The following GNA12 variants were observed in gnomAD, a reference collection of about 807,000 sequenced individuals.
GNA12 encodes the protein guanine nucleotide-binding protein subunit alpha-12.
GNA12 carries 9 observed loss-of-function variants against 26.0 expected under a neutral mutation model. The observed-to-expected ratio is 0.35, with a 90% CI of 0.21 to 0.60. The LOEUF is 0.60. Ranked by LOEUF, GNA12 falls within the 20% of genes least tolerant of loss-of-function variation. The pLI is 0.78. For synonymous variants in GNA12, 264 were observed against 219.6 expected, an observed-to-expected ratio of 1.20 and a Z score of -1.79; for missense variants, 405 against 525.8, an observed-to-expected ratio of 0.77 and a Z score of 2.25.
At chr7:2,793,387 A>G (rs1473835664) in intron 2 of GNA12, among the ~76,000 whole-genome samples, 1 of 150,254 alleles carries the variant, frequency 6.7e-6, no homozygotes, top group Admixed American at 6.6e-5. Flanking sequence ...CATTCAGACA[A>G]GGTCTACAGT....
chr7:2,812,406 G>A (rs1383479276), intron 1 of GNA12, among the ~76,000 whole-genome samples: 1 of 152,158 alleles, frequency 6.6e-6, no homozygotes, highest in Non-Finnish European at 1.5e-5. Context: ...GAGGCGGGCG[G>A]ACCACTTGAG....
intron 1 of GNA12, among the ~76,000 whole-genome samples, chr7:2,801,987 A>G (rs902055356): frequency 6.6e-6 from 1 of 152,170 alleles, no homozygotes; most frequent in African/African-American, 2.4e-5. Flanking sequence ...TCTTAAAAGT[A>G]AAATACTAGT....
At chr7:2,740,798 A>C (rs977215050) in intron 2 of GNA12, among the ~76,000 whole-genome samples, 4 of 152,332 alleles carry the variant, frequency 2.6e-5, no homozygotes, top group African/African-American at 9.6e-5. Context: ...TAATCCCAGC[A>C]CTTTGGGAGG....
intron 1 of GNA12, among the ~76,000 whole-genome samples, chr7:2,828,684 TCA>T (rs1793536866): frequency 6.6e-6 from 1 of 152,168 alleles, no homozygotes; most frequent in Non-Finnish European, 1.5e-5. Context: ...TCTAGTGACT[TCA>T]GTTTAGCAGG....
In GNA12 at chr7:2,844,242, G is replaced by A; in HGVS notation, c.-81C>T. On this transcript the variant is annotated 5_prime_UTR_variant, in exon 1 of 4. Coordinates refer to ENST00000275364, the MANE Select transcript of GNA12 (RefSeq NM_007353.3). ...GCCGGCGAGGGCGAGCCCGGGCCGA[G>A]GCACCGCCCCACGCCCCGCCGCTCG... 1.5e-6 allele frequency: 1 copy of A among 685,226 alleles called. No homozygotes were observed. Among genetic ancestry groups the A allele is most frequent in the South Asian group, 6.1e-5 (1 of 16,274 alleles). The allele number at this position is 685,226 out of a possible 1,614,324, so 42.4% of individuals were successfully genotyped here.
At chr7:2,739,895 A>T (rs1583216557) in intron 2 of GNA12, among the ~76,000 whole-genome samples, 1 of 152,080 alleles carries the variant, frequency 6.6e-6, no homozygotes, top group East Asian at 1.9e-4. Context: ...CTGGTCTCGA[A>T]CTCCTGACCT....
At chr7:2,836,254 C>T (rs1439245094) in intron 1 of GNA12, among the ~76,000 whole-genome samples, 1 of 152,194 alleles carries the variant, frequency 6.6e-6, no homozygotes, top group African/African-American at 2.4e-5. Flanking sequence ...GGAAAAGCCC[C>T]AGACACTGAG....
At chr7:2,779,009 G>A (rs1222764935) in intron 2 of GNA12, among the ~76,000 whole-genome samples, 1 of 152,134 alleles carries the variant, frequency 6.6e-6, no homozygotes, top group Non-Finnish European at 1.5e-5. Context: ...AACTTTATGG[G>A]AGGCCGAGGC....
chr7:2,788,600 GC>G (rs1792426497), intron 2 of GNA12, among the ~76,000 whole-genome samples: 1 of 152,192 alleles, frequency 6.6e-6, no homozygotes, highest in Non-Finnish European at 1.5e-5. Flanking sequence ...ACCTAAAGAT[GC>G]TACCGGCCTG....
intron 1 of GNA12, among the ~76,000 whole-genome samples, chr7:2,841,108 T>C (rs898436181): frequency 5.3e-5 from 8 of 152,184 alleles, no homozygotes; most frequent in African/African-American, 1.9e-4. Flanking sequence ...AGAAAGTCAG[T>C]GGAAGTTAGT....
intron 2 of GNA12, among the ~76,000 whole-genome samples, chr7:2,787,606 G>C (rs1271033655): frequency 6.6e-6 from 1 of 152,244 alleles, no homozygotes; most frequent in Non-Finnish European, 1.5e-5. Context: ...CTACGTTGGT[G>C]AGAGCTAAAG....
rs188376739 is a variant in GNA12, at chr7:2,835,081, A to G, written c.309+8772T>C. Among the ~76,000 whole-genome samples the G allele has an allele frequency of 2.0e-3, 304 of 152,368 alleles. 2 individuals are homozygous for G. Among genetic ancestry groups the G allele is most frequent in the Non-Finnish European group, 3.0e-3 (205 of 68,032 alleles). Reference sequence around the variant, plus strand: ...TGGATGGTTAGGACTTCTAGTCTATATAACAAGGAACCTTCAGACAGCTAA... The same window carrying G: ...TGGATGGTTAGGACTTCTAGTCTATGTAACAAGGAACCTTCAGACAGCTAA... On this transcript the variant is annotated intron_variant, in intron 1 of 3. Coordinates refer to ENST00000275364, the MANE Select transcript of GNA12 (RefSeq NM_007353.3).
chr7:2,824,500 C>A (rs547649870), intron 1 of GNA12, among the ~76,000 whole-genome samples: 41 of 152,306 alleles, frequency 2.7e-4, no homozygotes, highest in African/African-American at 9.1e-4. Flanking sequence ...CTTTCTCCTG[C>A]CCCCAGCACT....
chr7:2,753,124 GTACT>G (rs925662655), intron 2 of GNA12, among the ~76,000 whole-genome samples: 1 of 151,400 alleles, frequency 6.6e-6, no homozygotes, highest in Non-Finnish European at 1.5e-5. Context: ...TTTCTAGAGT[GTACT>G]TAAAGTGAAA....
At chr7:2,763,032 A>G in intron 2 of GNA12, 1 of 1,258,554 alleles carries the variant, frequency 7.9e-7, no homozygotes, top group Non-Finnish European at 1.0e-6. Context: ...CTGGCCCAGG[A>G]CTCAGCGTGC....
At chr7:2,734,427 A>T (rs1296859659) in intron 2 of GNA12, among the ~76,000 whole-genome samples, 2 of 152,246 alleles carry the variant, frequency 1.3e-5, no homozygotes, top group Non-Finnish European at 2.9e-5. Context: ...GGCTTGTGGG[A>T]AGAGCAGTCA....
intron 2 of GNA12, among the ~76,000 whole-genome samples, chr7:2,760,014 C>T (rs977733810): frequency 6.6e-6 from 1 of 152,220 alleles, no homozygotes; most frequent in Admixed American, 6.5e-5. Context: ...CAGGAACACT[C>T]AGTTTTAAAA....
At chr7:2,736,079 C>G (rs1323160332) in intron 2 of GNA12, among the ~76,000 whole-genome samples, 1 of 152,224 alleles carries the variant, frequency 6.6e-6, no homozygotes, top group African/African-American at 2.4e-5. Flanking sequence ...AGTCTTACAG[C>G]AGCAGCTCAT....
At chr7:2,820,313 G>A (rs955217366) in intron 1 of GNA12, among the ~76,000 whole-genome samples, 5 of 151,816 alleles carry the variant, frequency 3.3e-5, no homozygotes, top group Admixed American at 6.6e-5. Flanking sequence ...GGTGATGGCT[G>A]CACAGCTCTG....
Sources: allele counts gnomAD v4.1 joint callset (sites outside exome capture counted in the v4.1 genomes callset), GRCh38; gene constraint gnomAD v4.1.1; transcripts MANE v1.5; gene names NCBI Gene and HGNC (gene_info 2026-07-23, HGNC 2026-07-21).